The following DAB2IP variants were observed in gnomAD, a reference collection of about 807,000 sequenced individuals.
The protein encoded by DAB2IP is DAB2 interacting protein.
A neutral mutation model predicts 107.2 loss-of-function variants in DAB2IP; 28 were observed. That is an observed-to-expected ratio of 0.26 (90% CI 0.19 to 0.36). DAB2IP has a LOEUF of 0.36. Ranked by LOEUF, DAB2IP falls within the 10% of genes least tolerant of loss-of-function variation. The pLI, the probability that DAB2IP is intolerant of heterozygous loss-of-function variation, is 1.00. For synonymous variants in DAB2IP, 755 were observed against 706.4 expected, an observed-to-expected ratio of 1.07 and a Z score of -1.09; for missense variants, 1,400 against 1,644.7, an observed-to-expected ratio of 0.85 and a Z score of 2.57.
Position 121,742,665 on chromosome 9 carries a change from C to T in DAB2IP, c.363-14348C>T, listed in dbSNP as rs531192228. The T allele has an allele frequency of 1.3e-5, 12 of 920,900 alleles. No homozygotes were observed. The South Asian group carries it at 5.5e-4, about 42-fold the overall frequency. The allele number at this position is 920,900 out of a possible 1,614,324, so 57.0% of individuals were successfully genotyped here. ...CAGTGGAAGGGCCTCGGCCAGCTTG[C>T]CTGAGTCCTGGGCTTGGAAGGACGG... On this transcript the variant is annotated intron_variant, in intron 3 of 15. Coordinates refer to ENST00000408936, the Ensembl canonical transcript of DAB2IP.
intron 1 of DAB2IP, among the ~76,000 whole-genome samples, chr9:121,616,615 G>C (rs1035440076): frequency 6.6e-6 from 1 of 152,198 alleles, no homozygotes; most frequent in Non-Finnish European, 1.5e-5. Context: ...TGGGTTGCAT[G>C]GGAGCGCTCC....
At position 121,760,317 on chromosome 9, in the gene DAB2IP, G is replaced by A. The variant is rs1833798431; in HGVS notation, c.1048G>A (p.Glu350Lys). ...CATGGAGATGTACAAAGAGTTCGCT[G>A]AGCACATCACCAACCACTACCTGGG... is the stretch of plus-strand genomic sequence containing the variant. Residue 350 changes from glutamate to lysine, a missense_variant, in exon 6 of 16, where the codon GAG (glutamate) becomes AAG (lysine). Transcript: ENST00000408936. This position sits in a 1 kb window ranked among gnomAD's most constrained non-coding sequence, Gnocchi z 5.9. 2 of 1,613,650 alleles carry A rather than the reference G, an allele frequency of 1.2e-6. No homozygotes were observed. The highest frequency in any genetic ancestry group is 8.5e-7 in the Non-Finnish European group (1 of 1,180,030).
chr9:121,733,661 C>T (rs1831680757), intron 3 of DAB2IP, among the ~76,000 whole-genome samples: 1 of 152,172 alleles, frequency 6.6e-6, no homozygotes, highest in Non-Finnish European at 1.5e-5. Flanking sequence ...ACCAGGAATT[C>T]AGGCAGAGAA....
At chr9:121,604,770 G>A (rs993773247) in intron 1 of DAB2IP, among the ~76,000 whole-genome samples, 2 of 152,198 alleles carry the variant, frequency 1.3e-5, no homozygotes, top group Non-Finnish European at 2.9e-5. Context: ...ATGGGCTCTG[G>A]GCTTTAGAAA....
chr9:121,666,414 G>A (rs1325592706), intron 1 of DAB2IP, among the ~76,000 whole-genome samples: 1 of 152,234 alleles, frequency 6.6e-6, no homozygotes, highest in Non-Finnish European at 1.5e-5. Context: ...GGTGGGTAAG[G>A]TTTAGTAACC....
At chr9:121,775,746 A>C (rs1588011740) in intron 13 of DAB2IP, among the ~76,000 whole-genome samples, 1 of 152,098 alleles carries the variant, frequency 6.6e-6, no homozygotes, top group Non-Finnish European at 1.5e-5. Flanking sequence ...GGAAGCTGGG[A>C]TCTTACCCTG....
At chr9:121,621,565 T>C (rs2777314) in intron 1 of DAB2IP, among the ~76,000 whole-genome samples, 147,508 of 152,064 alleles carry the variant, frequency 0.97, 71,740 homozygotes, top group East Asian at 1. Flanking sequence ...CTGCAAGGGA[T>C]GTAAGTCCTC....
At chr9:121,773,015 G>A (rs1834886862) in exon 12 of DAB2IP, 19 of 1,611,988 alleles carry the variant, frequency 1.2e-5, no homozygotes, top group Middle Eastern at 1.7e-4. Flanking sequence ...TCTCCTTCCA[G>A]AACCCTGTGT....
At chr9:121,628,279 G>C (rs967408372) in intron 1 of DAB2IP, among the ~76,000 whole-genome samples, 1 of 152,152 alleles carries the variant, frequency 6.6e-6, no homozygotes, top group Non-Finnish European at 1.5e-5. Flanking sequence ...AGTCATCCTA[G>C]CAGACTGGAT....
chr9:121,785,067 A>C (rs1405174261), exon 16 of DAB2IP: 1 of 152,404 alleles, frequency 6.6e-6, no homozygotes, highest in Non-Finnish European at 1.5e-5. Flanking sequence ...CAGAGGCCTG[A>C]CTGACTTTTT....
intron 1 of DAB2IP, among the ~76,000 whole-genome samples, chr9:121,641,847 T>TG (rs1832298825): frequency 6.8e-6 from 1 of 147,954 alleles, no homozygotes; most frequent in Admixed American, 6.8e-5. Context: ...TCTTTCTTTC[T>TG]TTTTCTTTCT....
intron 1 of DAB2IP, among the ~76,000 whole-genome samples, chr9:121,666,460 C>T (rs368955562): frequency 1.3e-5 from 2 of 152,154 alleles, no homozygotes; most frequent in African/African-American, 2.4e-5. Context: ...CCCAGAGAGG[C>T]GTGCCTAAAG....
At chr9:121,580,754 A>G (rs1830177164) in intron 1 of DAB2IP, among the ~76,000 whole-genome samples, 1 of 151,998 alleles carries the variant, frequency 6.6e-6, no homozygotes, top group South Asian at 2.1e-4. Flanking sequence ...CCTCCTGAGT[A>G]GCTGGGACTA....
chr9:121,712,710 G>A (rs1022499624), intron 3 of DAB2IP, among the ~76,000 whole-genome samples: 1 of 152,166 alleles, frequency 6.6e-6, no homozygotes, highest in Non-Finnish European at 1.5e-5. Context: ...CTCTTGAAAG[G>A]CCTTGCTCCA....
At chr9:121,774,515 C>T in intron 13 of DAB2IP, 103 bp downstream of exon 13, 3 of 1,329,040 alleles carry the variant, frequency 2.3e-6, no homozygotes, top group Non-Finnish European at 1.0e-6. Flanking sequence ...TGCTGCTGTC[C>T]TTGTGAAGGG....
At chr9:121,763,011 G>A (rs1454432862) in intron 6 of DAB2IP, among the ~76,000 whole-genome samples, 1 of 152,320 alleles carries the variant, frequency 6.6e-6, no homozygotes, top group East Asian at 1.9e-4. Context: ...CCGGGCAGTG[G>A]GGCTGCACAG....
At chr9:121,681,047 T>A (rs902923058) in intron 2 of DAB2IP, among the ~76,000 whole-genome samples, 9 of 152,118 alleles carry the variant, frequency 5.9e-5, no homozygotes, top group Non-Finnish European at 1.0e-4. Context: ...CCAGCCTACC[T>A]GATCTCTCTT....
At chr9:121,642,517 G>T (rs1273469066) in intron 1 of DAB2IP, among the ~76,000 whole-genome samples, 2 of 140,212 alleles carry the variant, frequency 1.4e-5, no homozygotes, top group Non-Finnish European at 3.0e-5. Context: ...TAGAGACAGG[G>T]TCTCACTGTG....
At position 121,722,169 on chromosome 9, in the gene DAB2IP, C is replaced by G. The variant is rs868162407; in HGVS notation, c.362+22711C>G. Among the ~76,000 whole-genome samples, 3 of 152,348 alleles carry G rather than the reference C, an allele frequency of 2.0e-5. No individual in the cohort carries two copies. The South Asian group carries it at 6.2e-4, about 32-fold the overall frequency. ...GCTATGGAATGGGGGCTGTCGATCT[C>G]TCCGTTGTCCATGCATGCATGTGAC... On this transcript the variant is annotated intron_variant, in intron 3 of 15. Coordinates refer to ENST00000408936, the Ensembl canonical transcript of DAB2IP.
Sources: allele counts gnomAD v4.1 joint callset (sites outside exome capture counted in the v4.1 genomes callset), GRCh38; gene constraint gnomAD v4.1.1; non-coding constraint Gnocchi (gnomAD v3.1); transcripts MANE v1.5; gene names NCBI Gene and HGNC (gene_info 2026-07-23, HGNC 2026-07-21).